The following SAMD13 variants were observed in gnomAD, a reference collection of about 807,000 sequenced individuals.
The protein encoded by SAMD13 is sterile alpha motif domain containing 13.
In SAMD13, 9 loss-of-function variants were observed where a neutral mutation model predicts 12.4. The ratio of observed to expected loss-of-function variants is 0.72; its 90% CI spans 0.44 to 1.26. The LOEUF is 1.26. SAMD13 is among the 50% of genes most tolerant of loss of function. The probability of loss-of-function intolerance (pLI) is 0.00; values close to 1 mark genes in which losing one functional copy is unlikely to be tolerated. For missense variants in SAMD13, 84 were observed against 119.6 expected (o/e 0.70, Z 1.39); for synonymous variants, 46 against 45.4 (o/e 1.01, Z -0.05).
chr1:84,331,107 T>A (rs896283209), intron 3 of SAMD13, among the ~76,000 whole-genome samples: 60 of 151,918 alleles, frequency 3.9e-4, no homozygotes, highest in African/African-American at 1.4e-3. Context: ...AAAAAATAAA[T>A]AAAATTTCTT....
chr1:84,344,262 A>G (rs1447428602), intron 3 of SAMD13, among the ~76,000 whole-genome samples: 1 of 152,132 alleles, frequency 6.6e-6, no homozygotes, highest in Admixed American at 6.5e-5. Context: ...TCAACAAATG[A>G]AATACTTTTG....
chr1:84,309,894 C>T (rs1279343048), intron 2 of SAMD13, among the ~76,000 whole-genome samples: 3 of 151,924 alleles, frequency 2.0e-5, no homozygotes, highest in African/African-American at 4.8e-5. Flanking sequence ...ATTTAAAATG[C>T]GGCAATTCTA....
intron 3 of SAMD13, among the ~76,000 whole-genome samples, chr1:84,343,706 G>C (rs1326529491): frequency 6.6e-6 from 1 of 152,130 alleles, no homozygotes; most frequent in African/African-American, 2.4e-5. Context: ...GCCTGTCAGG[G>C]GTGGGTTGGG....
chr1:84,335,373 T>G (rs1161702768), intron 3 of SAMD13, among the ~76,000 whole-genome samples: 1 of 152,180 alleles, frequency 6.6e-6, no homozygotes, highest in Non-Finnish European at 1.5e-5. Flanking sequence ...AACCCTGCTT[T>G]TTTTCTGTTT....
At chr1:84,322,364 G>A (rs1678964853) in intron 2 of SAMD13, among the ~76,000 whole-genome samples, 1 of 152,176 alleles carries the variant, frequency 6.6e-6, no homozygotes, top group Non-Finnish European at 1.5e-5. Context: ...TATCTACCAT[G>A]CTATTTGGGG....
chr1:84,316,554 C>G (rs1029065762), intron 2 of SAMD13, among the ~76,000 whole-genome samples: 7 of 152,132 alleles, frequency 4.6e-5, no homozygotes, highest in African/African-American at 1.4e-4. Context: ...TTTCTGGGCT[C>G]TCTCTTCTGT....
intron 3 of SAMD13, among the ~76,000 whole-genome samples, chr1:84,327,941 T>G (rs934157707): frequency 2.0e-5 from 3 of 152,324 alleles, no homozygotes; most frequent in South Asian, 2.1e-4. Context: ...TTTTATTTTG[T>G]TTTTCACTGG....
chr1:84,325,696 A>G lies in SAMD13; in HGVS notation c.113A>G (p.Asn38Ser), dbSNP rs1679043338. The G allele has an allele frequency of 6.2e-7, 1 of 1,613,526 alleles. No individual in the cohort carries two copies. Among genetic ancestry groups the G allele is most frequent in the Non-Finnish European group, 8.5e-7 (1 of 1,179,686 alleles). The change falls in exon 3 of 4, where the codon AAT becomes AGT. Residue 38 changes from asparagine (N) to serine (S), a missense_variant. Asn to Ser is a conservative substitution (Grantham distance 46). Transcript: ENST00000394834. ...PADWAVMDVV[N>S]YFRTVGFEEQ... ...GACTGGGCCGTGATGGATGTCGTCA[A>G]TTATTTCCGAACCGTGGGATTTGAG...
chr1:84,299,374 G>T (rs1210479048), upstream of SAMD13, among the ~76,000 whole-genome samples: 1 of 152,232 alleles, frequency 6.6e-6, no homozygotes, highest in South Asian at 2.1e-4. Context: ...TGACACCAAA[G>T]TTATTTCAGC....
intron 2 of SAMD13, among the ~76,000 whole-genome samples, chr1:84,318,909 A>G (rs1332042941): frequency 6.6e-6 from 1 of 152,226 alleles, no homozygotes; most frequent in East Asian, 1.9e-4. Context: ...ACTGCCTTGA[A>G]GTGTACATTT....
At chr1:84,338,394 C>T (rs1679348966) in intron 3 of SAMD13, among the ~76,000 whole-genome samples, 1 of 145,598 alleles carries the variant, frequency 6.9e-6, no homozygotes, top group East Asian at 2.0e-4. Flanking sequence ...TGGCAGCAGG[C>T]AAAAAGAGAG....
chr1:84,299,495 T>C (rs1678393953), upstream of SAMD13: 2 of 694,144 alleles, frequency 2.9e-6, no homozygotes, highest in Non-Finnish European at 4.1e-6. Context: ...ACACACCACA[T>C]ACACACACAC....
At chr1:84,324,297 C>A (rs916440133) in intron 2 of SAMD13, among the ~76,000 whole-genome samples, 5 of 152,152 alleles carry the variant, frequency 3.3e-5, no homozygotes, top group African/African-American at 1.2e-4. Context: ...CCAGAATCCT[C>A]AGTGTGGCCT....
chr1:84,347,831 G>C (rs1447392971), intron 3 of SAMD13, among the ~76,000 whole-genome samples: 9 of 152,088 alleles, frequency 5.9e-5, no homozygotes, highest in Admixed American at 5.2e-4. Flanking sequence ...GCAATCTCTA[G>C]GATTACTACT....
intron 3 of SAMD13, among the ~76,000 whole-genome samples, chr1:84,336,319 G>T (rs1679285723): frequency 1.3e-5 from 2 of 152,068 alleles, no homozygotes; most frequent in Admixed American, 6.6e-5. Context: ...TTTTCACGCT[G>T]CTGATAAAGA....
At chr1:84,336,561 T>G (rs315520) in intron 3 of SAMD13, among the ~76,000 whole-genome samples, 146,149 of 152,240 alleles carry the variant, frequency 0.96, 70,246 homozygotes, top group Non-Finnish European at 0.99. Context: ...AAGAGCATGA[T>G]AAAGACCTGC....
upstream of SAMD13, chr1:84,299,505 C>A: frequency 9.3e-6 from 8 of 861,174 alleles, no homozygotes; most frequent in Non-Finnish European, 9.6e-6. Context: ...TACACACACA[C>A]CCCCACATAC....
intron 3 of SAMD13, among the ~76,000 whole-genome samples, chr1:84,340,965 T>C (rs1268348571): frequency 6.6e-6 from 1 of 152,174 alleles, no homozygotes. Context: ...AACAAAAATA[T>C]GGAGAAACGG....
At chr1:84,300,342 C>A (rs577434027), upstream of SAMD13, among the ~76,000 whole-genome samples, 3 of 152,270 alleles carry the variant, frequency 2.0e-5, no homozygotes, top group East Asian at 5.8e-4. Context: ...TTTCTTGGCA[C>A]TGATCTTCAA....
Sources: gnomAD v4.1 joint callset for allele counts (sites outside exome capture counted in the v4.1 genomes callset) on GRCh38, gnomAD v4.1.1 for gene constraint, MANE v1.5 for transcripts, NCBI Gene and HGNC (gene_info 2026-07-23, HGNC 2026-07-21) for gene names.